DAB1: variants seen among roughly 807,000 people sequenced by gnomAD.
DAB1 encodes disabled homolog 1.
A neutral mutation model predicts 64.6 loss-of-function variants in DAB1; 15 were observed. That is an observed-to-expected ratio of 0.23 (90% CI 0.16 to 0.36). The LOEUF is 0.36. DAB1 is among the 10% of genes least tolerant of loss of function. The pLI is 1.00. For synonymous variants in DAB1, 235 were observed against 251.9 expected (o/e 0.93, Z 0.64); for missense variants, 596 against 706.7 (o/e 0.84, Z 1.78).
intron 5 of DAB1, chr1:58,048,735 C>A (rs1647414859): frequency 7.6e-7 from 1 of 1,313,926 alleles, no homozygotes; most frequent in East Asian, 2.3e-5. Flanking sequence ...AAACACTAGC[C>A]ATCTCTTGCT....
At chr1:58,516,151 T>A (rs72672225) in intron 2 of DAB1, among the ~76,000 whole-genome samples, 7,344 of 152,194 alleles carry the variant, frequency 0.048, 221 homozygotes, top group African/African-American at 0.063. Flanking sequence ...ACATTAAACA[T>A]CAATAATTCC....
intron 1 of DAB1, among the ~76,000 whole-genome samples, chr1:57,389,360 G>T (rs899193680): frequency 1.3e-5 from 2 of 152,164 alleles, no homozygotes; most frequent in Admixed American, 6.5e-5. Flanking sequence ...TGGCATGTAA[G>T]GTTCTGCATG....
chr1:58,519,993 G>T (rs1465859367), intron 2 of DAB1, among the ~76,000 whole-genome samples: 1 of 152,188 alleles, frequency 6.6e-6, no homozygotes, highest in Non-Finnish European at 1.5e-5. Flanking sequence ...ACAGTCAGAG[G>T]TTAAGTGATT....
chr1:57,547,484 C>T (rs1171085899), intron 7 of DAB1, among the ~76,000 whole-genome samples: 1 of 152,144 alleles, frequency 6.6e-6, no homozygotes, highest in Non-Finnish European at 1.5e-5. Context: ...AGTTGCAGAA[C>T]TTATTTTCTG....
chr1:57,413,637 G>A (rs567733692), intron 1 of DAB1, among the ~76,000 whole-genome samples: 3 of 150,902 alleles, frequency 2.0e-5, no homozygotes, highest in Admixed American at 6.6e-5. Flanking sequence ...CCAAATACTC[G>A]AGAGGCTGAG....
At chr1:57,003,256 T>A (rs1011217711) in intron 14 of DAB1, among the ~76,000 whole-genome samples, 1 of 152,214 alleles carries the variant, frequency 6.6e-6, no homozygotes, top group African/African-American at 2.4e-5. Context: ...AATTATGTGC[T>A]CGACTACAGC....
At chr1:57,292,172 C>T (rs1182455266) in intron 1 of DAB1, among the ~76,000 whole-genome samples, 2 of 152,118 alleles carry the variant, frequency 1.3e-5, no homozygotes, top group African/African-American at 4.8e-5. Context: ...TAATAGAAAA[C>T]GACTGACCTC....
At chr1:57,008,542 T>C (rs558590505) in intron 14 of DAB1, among the ~76,000 whole-genome samples, 11 of 152,306 alleles carry the variant, frequency 7.2e-5, no homozygotes, top group African/African-American at 2.4e-4. Context: ...TTAGTTCACA[T>C]AATAACCCTA....
At chr1:57,639,295 T>G (rs187196157) in intron 7 of DAB1, among the ~76,000 whole-genome samples, 365 of 149,346 alleles carry the variant, frequency 2.4e-3, no homozygotes, top group Middle Eastern at 6.9e-3. Flanking sequence ...ATAAAGAACT[T>G]TAGTAAATAA....
chr1:57,903,698 C>T lies in DAB1; in HGVS notation n.388-19536G>A, dbSNP rs559613272. 3.3e-5 allele frequency among the ~76,000 whole-genome samples: 5 copies of T among 152,324 alleles called. No individual in the cohort carries two copies. The South Asian group carries it at 6.2e-4, about 19-fold the overall frequency. On this transcript the variant is annotated intron_variant and non_coding_transcript_variant, in intron 5 of 20. Coordinates refer to the DAB1 transcript ENST00000485760. ...CTAAGCAACTTGAGGGATGATGTCA[C>T]GTCTCCCTCACTACTGAGTCCCCAG...
At chr1:57,421,328 G>T (rs566866757) in intron 1 of DAB1, among the ~76,000 whole-genome samples, 1 of 152,248 alleles carries the variant, frequency 6.6e-6, no homozygotes, top group Admixed American at 6.5e-5. Context: ...TTTTTATTCA[G>T]ATTTTATCGT....
At chr1:57,334,808 G>T (rs1002489972) in intron 1 of DAB1, among the ~76,000 whole-genome samples, 10 of 152,142 alleles carry the variant, frequency 6.6e-5, no homozygotes, top group African/African-American at 2.4e-4. Flanking sequence ...AGGTCATCTG[G>T]CTAGTAATAG....
chr1:58,274,546 T>G (rs1464375908), intron 4 of DAB1, among the ~76,000 whole-genome samples: 1 of 141,516 alleles, frequency 7.1e-6, no homozygotes, highest in East Asian at 2.2e-4. Flanking sequence ...AGTTCGAGCT[T>G]CCTGGCTGCT....
intron 4 of DAB1, among the ~76,000 whole-genome samples, chr1:57,087,965 C>T (rs1371099705): frequency 6.6e-6 from 1 of 152,234 alleles, no homozygotes; most frequent in East Asian, 1.9e-4. Context: ...GACAAAGATT[C>T]TGTCCTTGAC....
chr1:57,410,344 A>C (rs1350542246), intron 1 of DAB1, among the ~76,000 whole-genome samples: 1 of 152,240 alleles, frequency 6.6e-6, no homozygotes, highest in Non-Finnish European at 1.5e-5. Flanking sequence ...TCAAAAAGCC[A>C]AGTATAAAGG....
chr1:57,122,612 T>G (rs181696503), intron 4 of DAB1, among the ~76,000 whole-genome samples: 3 of 152,100 alleles, frequency 2.0e-5, no homozygotes, highest in Admixed American at 2.0e-4. Context: ...ACCAAACTGA[T>G]GAGTGCCATG....
At chr1:57,783,797 ATTG>A (rs1650218113) in intron 6 of DAB1, among the ~76,000 whole-genome samples, 2 of 152,140 alleles carry the variant, frequency 1.3e-5, no homozygotes, top group South Asian at 2.1e-4. Context: ...TACTATTGTA[ATTG>A]TTGTAGGGCA....
intron 4 of DAB1, among the ~76,000 whole-genome samples, chr1:57,094,657 T>C (rs1653994935): frequency 6.6e-6 from 1 of 152,216 alleles, no homozygotes; most frequent in African/African-American, 2.4e-5. Context: ...ATTTTGTGTA[T>C]TTTTCATGTA....
intron 1 of DAB1, among the ~76,000 whole-genome samples, chr1:57,389,771 G>C (rs1288204407): frequency 6.6e-6 from 1 of 152,114 alleles, no homozygotes; most frequent in East Asian, 1.9e-4. Flanking sequence ...GTATCTGGCA[G>C]GTCACTAGCC....
Sources: allele counts gnomAD v4.1 joint callset (sites outside exome capture counted in the v4.1 genomes callset), GRCh38; gene constraint gnomAD v4.1.1; transcripts MANE v1.5; gene names NCBI Gene and HGNC (gene_info 2026-07-23, HGNC 2026-07-21).